NKD1: variants seen among roughly 807,000 people sequenced by gnomAD.
NKD1 encodes NKD inhibitor of Wnt signaling pathway 1, also known as protein naked cuticle homolog 1.
A neutral mutation model predicts 56.0 loss-of-function variants in NKD1; 21 were observed. The observed-to-expected ratio is 0.38, with a 90% confidence interval of 0.27 to 0.54. The LOEUF is 0.54. Ranked by LOEUF, NKD1 falls within the 20% of genes least tolerant of loss-of-function variation. The pLI, the probability that NKD1 is intolerant of heterozygous loss-of-function variation, is 0.82. For missense variants in NKD1, 578 were observed against 642.7 expected, an observed-to-expected ratio of 0.90 and a Z score of 1.09; for synonymous variants, 263 against 265.7, an observed-to-expected ratio of 0.99 and a Z score of 0.10.
chr16:50,587,418 A>G (rs1394445562), intron 3 of NKD1, among the ~76,000 whole-genome samples: 2 of 152,242 alleles, frequency 1.3e-5, no homozygotes, highest in Non-Finnish European at 2.9e-5. Context: ...GTCACCTCCC[A>G]AAATATAGGT....
chr16:50,619,766 TGA>T (rs1265291104), intron 4 of NKD1, among the ~76,000 whole-genome samples: 1 of 152,184 alleles, frequency 6.6e-6, no homozygotes, highest in Non-Finnish European at 1.5e-5. Context: ...TTGGGGAAAC[TGA>T]GACATCTAGA....
intron 3 of NKD1, among the ~76,000 whole-genome samples, chr16:50,568,103 G>A (rs1163428861): frequency 6.6e-6 from 1 of 152,262 alleles, no homozygotes; most frequent in African/African-American, 2.4e-5. Context: ...TCTTGGATGG[G>A]CCCTTTGAGG....
chr16:50,615,873 G>T lies in NKD1; in HGVS notation c.260-5729G>T, dbSNP rs186106939. ...GTATGTGGCTGTGTTTACAAACAGA[G>T]GTGGGATCGCTAGGACCCTCATTCC... On this transcript the variant is annotated intron_variant, in intron 4 of 9. Coordinates refer to ENST00000268459, the MANE Select transcript of NKD1 (RefSeq NM_033119.5). Among the ~76,000 whole-genome samples the T allele has an allele frequency of 1.2e-4, 18 of 152,324 alleles. No homozygotes were observed. In the East Asian group the frequency reaches 2.7e-3, roughly 23 times the overall value.
chr16:50,621,457 A>G, intron 4 of NKD1, 145 bp from the exon 5 acceptor site: 1 of 588,414 alleles, frequency 1.7e-6, no homozygotes, highest in African/African-American at 1.9e-5. Flanking sequence ...TGTGATGTTG[A>G]CCCCAGCAAA....
chr16:50,611,230 C>G (rs748758408), intron 4 of NKD1, among the ~76,000 whole-genome samples: 22 of 152,240 alleles, frequency 1.4e-4, no homozygotes, highest in Admixed American at 1.0e-3. Context: ...TGCCTCTCAC[C>G]TGGTGAACGC....
intron 3 of NKD1, among the ~76,000 whole-genome samples, chr16:50,587,113 G>A (rs1212824451): frequency 6.6e-6 from 1 of 152,184 alleles, no homozygotes; most frequent in African/African-American, 2.4e-5. Context: ...TACGTGCTAG[G>A]TATATCAATA....
At chr16:50,583,356 A>G (rs948648385) in intron 3 of NKD1, among the ~76,000 whole-genome samples, 2 of 152,202 alleles carry the variant, frequency 1.3e-5, no homozygotes. Context: ...CGAACAGGAC[A>G]AGAGAGAGGC....
At chr16:50,553,175 C>T (rs1327764966) in intron 3 of NKD1, among the ~76,000 whole-genome samples, 1 of 152,138 alleles carries the variant, frequency 6.6e-6, no homozygotes, top group Admixed American at 6.5e-5. Context: ...ATAGAATGGA[C>T]AAGTGAAAAA....
At position 50,647,653 on chromosome 16, in the gene NKD1, T is replaced by G. The variant is rs1962706105; in HGVS notation, c.*13872T>G. On this transcript the variant is annotated 3_prime_UTR_variant, in exon 10 of 10. Coordinates refer to ENST00000268459, the MANE Select transcript of NKD1 (RefSeq NM_033119.5). ...TGAGGTATTTACCCACCCATCCTTG[T>G]CAGTCATTGGTCAAGGGCTATTTCT... The G allele has an allele frequency of 6.6e-6, 1 of 152,234 alleles. No individual in the cohort carries two copies. The highest frequency in any genetic ancestry group is 1.5e-5 in the Non-Finnish European group (1 of 68,052). The allele number at this position is 152,234 out of a possible 1,614,324, so 9.4% of individuals were successfully genotyped here.
rs1188331562 is a variant in NKD1 at position 50,641,347 on chromosome 16, C to T, written c.*7566C>T. The T allele has an allele frequency of 1.3e-5, 2 of 152,358 alleles. No individual in the cohort carries two copies. The highest frequency in any genetic ancestry group is 3.9e-4 in the East Asian group (2 of 5,190). The allele number at this position is 152,358 out of a possible 1,614,324, so 9.4% of individuals were successfully genotyped here. A position where few individuals can be genotyped will look rare whatever the true frequency, so the allele number is the denominator to read the frequency against. ...GGAACTCTGCCCTGCCTTCCTGTCC[C>T]CTGCCCACTCTAAGCCTCCAGAAGT... On this transcript the variant is annotated 3_prime_UTR_variant, in exon 10 of 10. Transcript: ENST00000268459.
chr16:50,582,350 G>GC (rs1567340292), intron 3 of NKD1, among the ~76,000 whole-genome samples: 1 of 152,194 alleles, frequency 6.6e-6, no homozygotes. Flanking sequence ...AGAGAGAGCT[G>GC]CCCCCTCCCA....
At chr16:50,585,691 G>A (rs1961213900) in intron 3 of NKD1, among the ~76,000 whole-genome samples, 1 of 152,176 alleles carries the variant, frequency 6.6e-6, no homozygotes, top group African/African-American at 2.4e-5. Context: ...CCTCCTCTCT[G>A]TACCTCCTCC....
In NKD1 at chr16:50,626,827, C is replaced by T. The variant is rs572106766; in HGVS notation, c.462+1247C>T. On this transcript the variant is annotated intron_variant, in intron 6 of 9. Transcript: ENST00000268459. ...AGATCTGAGGTTACATGCACCTGCG[C>T]GGCGGTCGCAGGTTAGCACGTCTGG... Among the ~76,000 whole-genome samples, 41 of 152,290 alleles carry T rather than the reference C, an allele frequency of 2.7e-4. No individual in the cohort carries two copies. The South Asian group carries it at 8.5e-3, about 32-fold the overall frequency.
chr16:50,624,280 A>G lies in NKD1; in HGVS notation c.367-1205A>G, dbSNP rs565084000. On this transcript the variant is annotated intron_variant, in intron 5 of 9. Coordinates refer to ENST00000268459, the MANE Select transcript of NKD1 (RefSeq NM_033119.5). ...AACAGCATGCTTCCTAGAACTGTCT[A>G]TCTGACACTCAGCCAGCCTCTGCAC... is the stretch of plus-strand genomic sequence containing the variant. 3.3e-5 allele frequency among the ~76,000 whole-genome samples: 5 copies of G among 152,254 alleles called. No individual in the cohort carries two copies. The South Asian group carries it at 6.2e-4, about 19-fold the overall frequency.
At chr16:50,595,392 T>G (rs905421537) in intron 3 of NKD1, among the ~76,000 whole-genome samples, 11 of 152,164 alleles carry the variant, frequency 7.2e-5, no homozygotes, top group African/African-American at 2.4e-4. Flanking sequence ...AGGGGGACAT[T>G]CTCAGAGGGG....
At chr16:50,548,659 T>G (rs1960293418) in intron 1 of NKD1, 58 bp from the exon 2 acceptor site, 1 of 1,465,622 alleles carries the variant, frequency 6.8e-7, no homozygotes, top group Non-Finnish European at 9.0e-7. Flanking sequence ...CTTCCTTTCT[T>G]TCCTTCTCCC....
intron 4 of NKD1, among the ~76,000 whole-genome samples, chr16:50,609,217 T>G (rs1961787210): frequency 6.6e-6 from 1 of 152,234 alleles, no homozygotes; most frequent in South Asian, 2.1e-4. Context: ...TGTGCTGGTT[T>G]GACTTTGGGC....
chr16:50,572,042 G>A (rs557165176), intron 3 of NKD1, among the ~76,000 whole-genome samples: 40 of 152,200 alleles, frequency 2.6e-4, no homozygotes, highest in Admixed American at 5.2e-4. Flanking sequence ...AGCTGGAGAT[G>A]CTTCCCAGTA....
At chr16:50,572,521 G>A (rs888255211) in intron 3 of NKD1, among the ~76,000 whole-genome samples, 6 of 152,134 alleles carry the variant, frequency 3.9e-5, no homozygotes, top group Admixed American at 6.5e-5. Context: ...AATGAACCCC[G>A]TGTGTTACGT....
Sources: allele counts gnomAD v4.1 joint callset (sites outside exome capture counted in the v4.1 genomes callset), GRCh38; gene constraint gnomAD v4.1.1; transcripts MANE v1.5; gene names NCBI Gene and HGNC (gene_info 2026-07-23, HGNC 2026-07-21).